Variants in ADAMTS17 observed in about 807,000 individuals in gnomAD.
ADAMTS17 encodes ADAM metallopeptidase with thrombospondin type 1 motif 17.
ADAMTS17 carries 113 observed loss-of-function variants against 141.5 expected under a neutral mutation model. That is an observed-to-expected ratio of 0.80 (90% CI 0.69 to 0.93). The LOEUF (loss-of-function observed/expected upper bound fraction) is 0.93, where lower values mean the gene tolerates loss of function less well. Ranked by LOEUF, ADAMTS17 falls within the 40% of genes least tolerant of loss-of-function variation. The pLI, the probability that ADAMTS17 is intolerant of heterozygous loss-of-function variation, is 0.00. For synonymous variants in ADAMTS17, 768 were observed against 630.6 expected, an observed-to-expected ratio of 1.22 and a Z score of -3.27; for missense variants, 1,659 against 1,517.9, an observed-to-expected ratio of 1.09 and a Z score of -1.54.
intron 3 of ADAMTS17, among the ~76,000 whole-genome samples, chr15:100,324,024 C>CAAAA (rs35999702): frequency 1.6e-4 from 21 of 133,154 alleles, no homozygotes; most frequent in South Asian, 4.9e-4. Context: ...TCCTTTCTCT[C>CAAAA]AAAAAAAAAA....
chr15:99,989,149 G>T (rs1212830015), intron 20 of ADAMTS17, among the ~76,000 whole-genome samples: 1 of 152,208 alleles, frequency 6.6e-6, no homozygotes, highest in Non-Finnish European at 1.5e-5. Context: ...CTGCCGGGGG[G>T]TGTGGGCGAG....
chr15:100,034,781 C>G (rs747724164), intron 18 of ADAMTS17, among the ~76,000 whole-genome samples: 8 of 152,206 alleles, frequency 5.3e-5, no homozygotes, highest in Non-Finnish European at 1.2e-4. Context: ...TACTTGTTCT[C>G]CTTATTCCTC....
Position 100,123,366 on chromosome 15 carries a change from G to C in ADAMTS17, c.1722-6353C>G, listed in dbSNP as rs2037551071. On this transcript the variant is annotated intron_variant, in intron 12 of 21. Coordinates refer to ENST00000268070, the MANE Select transcript of ADAMTS17 (RefSeq NM_139057.4). ...CTAAAATAAAGAACAGTTAATATAA[G>C]AGATTCGTGATAGAGTTATCCCTTC... Among the ~76,000 whole-genome samples the C allele has an allele frequency of 1.2e-4, 18 of 152,322 alleles. No individual in the cohort carries two copies. The South Asian group carries it at 3.7e-3, about 32-fold the overall frequency.
At chr15:100,095,388 A>G (rs943196001) in intron 15 of ADAMTS17, among the ~76,000 whole-genome samples, 29 of 152,166 alleles carry the variant, frequency 1.9e-4, no homozygotes, top group Admixed American at 1.7e-3. Context: ...CTTCCAGACC[A>G]GGTTTCCTAT....
chr15:100,224,036 A>C (rs2042224612), intron 7 of ADAMTS17, among the ~76,000 whole-genome samples: 1 of 152,022 alleles, frequency 6.6e-6, no homozygotes, highest in South Asian at 2.1e-4. Flanking sequence ...CGTTTTTCTT[A>C]TTGCTTTATA....
At chr15:100,139,577 A>C (rs1446802421) in intron 10 of ADAMTS17, among the ~76,000 whole-genome samples, 1 of 152,250 alleles carries the variant, frequency 6.6e-6, no homozygotes, top group Non-Finnish European at 1.5e-5. Flanking sequence ...ACTCAACAAA[A>C]GGAAAAACAG....
At chr15:100,154,284 C>T (rs1187870622) in intron 9 of ADAMTS17, among the ~76,000 whole-genome samples, 4 of 152,278 alleles carry the variant, frequency 2.6e-5, no homozygotes, top group Admixed American at 6.5e-5. Flanking sequence ...TCTGTGGTAT[C>T]AAATACTCAG....
chr15:100,293,490 T>C (rs1266348823), intron 3 of ADAMTS17, among the ~76,000 whole-genome samples: 1 of 152,122 alleles, frequency 6.6e-6, no homozygotes, highest in Non-Finnish European at 1.5e-5. Context: ...TTCAAACTTA[T>C]AAATTAGAAG....
chr15:100,332,601 A>G (rs1201760716), intron 2 of ADAMTS17, among the ~76,000 whole-genome samples: 1 of 152,262 alleles, frequency 6.6e-6, no homozygotes, highest in East Asian at 1.9e-4. Flanking sequence ...CCCCGGCATA[A>G]AAAGCAGTCA....
At chr15:100,067,946 G>C (rs1358405019) in intron 15 of ADAMTS17, among the ~76,000 whole-genome samples, 2 of 152,200 alleles carry the variant, frequency 1.3e-5, no homozygotes, top group South Asian at 2.1e-4. Context: ...AGCTGAAGCA[G>C]GGCGAGGCAT....
At chr15:100,082,716 A>C (rs1043986874) in intron 15 of ADAMTS17, among the ~76,000 whole-genome samples, 10 of 149,680 alleles carry the variant, frequency 6.7e-5, no homozygotes, top group African/African-American at 2.4e-4. Flanking sequence ...ATCTTTCTAC[A>C]AATAGTTATT....
chr15:100,117,120 G>T, intron 12 of ADAMTS17, 107 bp from the exon 13 acceptor site: 1 of 1,346,956 alleles, frequency 7.4e-7, no homozygotes, highest in Non-Finnish European at 1.0e-6. Context: ...GGCAGGGCAA[G>T]GTTTCCAAAG....
At chr15:100,101,938 A>T (rs1304906331) in intron 14 of ADAMTS17, among the ~76,000 whole-genome samples, 1 of 152,138 alleles carries the variant, frequency 6.6e-6, no homozygotes, top group Non-Finnish European at 1.5e-5. Flanking sequence ...TGACTCCAGG[A>T]TTTACTGGGT....
rs1361340580 is a variant in ADAMTS17 at position 100,096,290 on chromosome 15, A to G, written c.2137+66T>C. The G allele has an allele frequency of 5.0e-6, 8 of 1,605,556 alleles. No individual in the cohort carries two copies. In the African/African-American group the frequency reaches 1.1e-4, roughly 21 times the overall value. ...AATATGAAATGTAGGGAAGACTGCAATCAATAGCTGTAGGCAAAGGACACA... is the reference window on the plus strand; with the variant it reads ...AATATGAAATGTAGGGAAGACTGCAGTCAATAGCTGTAGGCAAAGGACACA... On this transcript the variant is annotated intron_variant, in intron 15 of 21. Transcript: ENST00000268070.
At chr15:100,146,767 T>G (rs1279869557) in intron 10 of ADAMTS17, among the ~76,000 whole-genome samples, 1 of 152,288 alleles carries the variant, frequency 6.6e-6, no homozygotes, top group Non-Finnish European at 1.5e-5. Flanking sequence ...AATACGTGCC[T>G]GGGGGTATAG....
At chr15:100,006,860 A>G (rs1277813942) in intron 18 of ADAMTS17, among the ~76,000 whole-genome samples, 1 of 152,242 alleles carries the variant, frequency 6.6e-6, no homozygotes, top group African/African-American at 2.4e-5. Context: ...AGTCAATCAT[A>G]CAACATGGCA....
intron 14 of ADAMTS17, 149 bp downstream of exon 14, chr15:100,108,840 G>A: frequency 7.4e-7 from 1 of 1,352,570 alleles, no homozygotes; most frequent in Non-Finnish European, 1.0e-6. Context: ...AGGCAACACT[G>A]GCGGCAGGAG....
intron 20 of ADAMTS17, chr15:99,980,759 A>C (rs2060467484): frequency 6.6e-6 from 1 of 152,210 alleles, no homozygotes; most frequent in Non-Finnish European, 1.5e-5. Flanking sequence ...GTCTATTAAA[A>C]CCAAGTGCAG....
intron 7 of ADAMTS17, among the ~76,000 whole-genome samples, chr15:100,205,954 G>C (rs2041536090): frequency 6.6e-6 from 1 of 152,186 alleles, no homozygotes; most frequent in Admixed American, 6.5e-5. Context: ...GGAGACTGGA[G>C]AGGAAGCTCC....
Sources: gnomAD v4.1 joint callset for allele counts (sites outside exome capture counted in the v4.1 genomes callset) on GRCh38, gnomAD v4.1.1 for gene constraint, MANE v1.5 for transcripts, NCBI Gene and HGNC (gene_info 2026-07-23, HGNC 2026-07-21) for gene names.